The following AFAP1L2 variants were observed in gnomAD, a reference collection of about 807,000 sequenced individuals.
AFAP1L2 encodes the protein actin filament associated protein 1 like 2.
AFAP1L2 carries 46 observed loss-of-function variants against 99.3 expected under a neutral mutation model. That is an observed-to-expected ratio of 0.46 (90% CI 0.37 to 0.59). The LOEUF is 0.59. Ranked by LOEUF, AFAP1L2 falls within the 20% of genes least tolerant of loss-of-function variation. The pLI, the probability that AFAP1L2 is intolerant of heterozygous loss-of-function variation, is 0.00. For synonymous variants in AFAP1L2, 397 were observed against 419.1 expected (o/e 0.95, Z 0.64); for missense variants, 959 against 1,034.9 (o/e 0.93, Z 1.01).
At chr10:114,394,777 C>A (rs564031781) in intron 1 of AFAP1L2, among the ~76,000 whole-genome samples, 2 of 152,142 alleles carry the variant, frequency 1.3e-5, no homozygotes, top group Non-Finnish European at 2.9e-5. Flanking sequence ...CCCCAGGCTA[C>A]TTTCAGAACA....
In AFAP1L2 at chr10:114,295,943, CTAAACAGACTCACCCTTTCGCA is replaced by C; in HGVS notation, c.*77_*98del. The stretch of plus-strand genomic sequence containing the variant: ...AGTACCTCAGTCTTTGCTTTTTCTT[CTAAACAGACTCACCCTTTCGCA>C]TAGTTTTTGCTTTAACAAAGCAGGA... On this transcript the variant is annotated 3_prime_UTR_variant, in exon 19 of 19. Transcript: ENST00000304129. 3.7e-6 allele frequency: 6 copies of C among 1,605,290 alleles called. No individual in the cohort carries two copies. The South Asian group carries it at 6.7e-5, about 18-fold the overall frequency.
chr10:114,321,701 C>A (rs1222442454), intron 5 of AFAP1L2, among the ~76,000 whole-genome samples: 1 of 152,212 alleles, frequency 6.6e-6, no homozygotes, highest in Non-Finnish European at 1.5e-5. Flanking sequence ...GGACCACAGT[C>A]CAGCTGCCAC....
At chr10:114,352,079 C>T (rs1029360420) in intron 1 of AFAP1L2, among the ~76,000 whole-genome samples, 2 of 152,102 alleles carry the variant, frequency 1.3e-5, no homozygotes, top group African/African-American at 2.4e-5. Flanking sequence ...ATGTTAGTTG[C>T]TAAATAAAAC....
intron 1 of AFAP1L2, among the ~76,000 whole-genome samples, chr10:114,397,033 C>T (rs780394072): frequency 2.6e-5 from 4 of 152,132 alleles, no homozygotes; most frequent in Non-Finnish European, 5.9e-5. Context: ...GATACCCAAC[C>T]TTGACCTTGA....
In AFAP1L2 at chr10:114,299,356, CCTT is replaced by C. The variant is rs1564778696; in HGVS notation, c.2014_2016del (p.Lys672del). 8 of 1,614,240 alleles carry C rather than the reference CCTT, an allele frequency of 5.0e-6. No homozygotes were observed. Among genetic ancestry groups the C allele is most frequent in the Admixed American group, 1.7e-5 (1 of 60,032 alleles). ...TCTTCCTTCTTCTTTTCAAGCCTCTCCTTCTCCTCTGTGTACCGCTTCACCTCA... is the reference window on the plus strand; with the variant it reads ...TCTTCCTTCTTCTTTTCAAGCCTCTCCTCCTCTGTGTACCGCTTCACCTCA... On this transcript the variant is annotated inframe_deletion, in exon 16 of 19. Transcript: ENST00000304129.
chr10:114,292,794 C>A (rs568331997), downstream of AFAP1L2, among the ~76,000 whole-genome samples: 1 of 152,046 alleles, frequency 6.6e-6, no homozygotes, highest in African/African-American at 2.4e-5. Context: ...CAACCTTTGC[C>A]TCCCAGGTTG....
intron 4 of AFAP1L2, among the ~76,000 whole-genome samples, chr10:114,328,711 C>T (rs1040784993): frequency 2.0e-5 from 3 of 152,214 alleles, no homozygotes; most frequent in East Asian, 1.9e-4. Context: ...GAGCCACAGA[C>T]ATGACTCCAC....
chr10:114,363,893 G>T (rs1232452894), intron 1 of AFAP1L2, among the ~76,000 whole-genome samples: 1 of 152,198 alleles, frequency 6.6e-6, no homozygotes, highest in Non-Finnish European at 1.5e-5. Flanking sequence ...GAAAACTGAG[G>T]TCTCTGACAG....
chr10:114,310,016 C>G (rs2042982399), intron 8 of AFAP1L2, among the ~76,000 whole-genome samples: 1 of 152,194 alleles, frequency 6.6e-6, no homozygotes, highest in African/African-American at 2.4e-5. Context: ...CAACCTCCGC[C>G]TCCTGGGTTC....
chr10:114,361,015 G>A (rs1207658804), intron 1 of AFAP1L2, among the ~76,000 whole-genome samples: 3 of 152,192 alleles, frequency 2.0e-5, no homozygotes, highest in Non-Finnish European at 4.4e-5. Flanking sequence ...ACATGGCTGG[G>A]GAAGCCTCAC....
At chr10:114,387,348 C>T (rs551304878) in intron 1 of AFAP1L2, among the ~76,000 whole-genome samples, 1 of 152,178 alleles carries the variant, frequency 6.6e-6, no homozygotes, top group Non-Finnish European at 1.5e-5. Flanking sequence ...AAGACTAGTA[C>T]GTTTTCCACA....
chr10:114,398,893 A>C (rs2057985780), intron 1 of AFAP1L2: 1 of 1,304,216 alleles, frequency 7.7e-7, no homozygotes, highest in South Asian at 1.2e-5. Flanking sequence ...ACCAGACAGC[A>C]ACACCCCTGT....
chr10:114,397,398 C>A (rs534883242), intron 1 of AFAP1L2, among the ~76,000 whole-genome samples: 1 of 152,336 alleles, frequency 6.6e-6, no homozygotes, highest in Admixed American at 6.5e-5. Flanking sequence ...ACTTAGCATA[C>A]TGGTGTGTAT....
intron 1 of AFAP1L2, among the ~76,000 whole-genome samples, chr10:114,390,394 TGCTAGATC>T (rs1358190004): frequency 1.3e-5 from 2 of 152,128 alleles, no homozygotes; most frequent in East Asian, 3.9e-4. Context: ...CTTTGGGAAT[TGCTAGATC>T]GTATGGTAAG....
chr10:114,320,254 T>C lies in AFAP1L2; in HGVS notation c.406+2917A>G, dbSNP rs550957589. On this transcript the variant is annotated intron_variant, in intron 5 of 18. Coordinates refer to ENST00000304129, the MANE Select transcript of AFAP1L2 (RefSeq NM_001001936.3). ...GCCAGCAGGGCACTTATTACACATGTGCTCAGAGAGAGGGACATGACCCAG... is the reference window on the plus strand; with the variant it reads ...GCCAGCAGGGCACTTATTACACATGCGCTCAGAGAGAGGGACATGACCCAG... Among the ~76,000 whole-genome samples the C allele has an allele frequency of 2.0e-5, 3 of 152,340 alleles. No homozygotes were observed. In the South Asian group the frequency reaches 6.2e-4, roughly 32 times the overall value.
rs557129955 is a variant in AFAP1L2 at position 114,300,144 on chromosome 10, A to ACTCTATTAGT, written c.1957+49_1957+50insACTAATAGAG. 608 of 1,612,632 alleles carry ACTCTATTAGT rather than the reference A, an allele frequency of 3.8e-4. 1 individual carries two copies. The highest frequency in any genetic ancestry group is 3.2e-3 in the Middle Eastern group (19 of 5,962). ...CCTATTAGTTCTGTCCCTCTAGAGAACCCTGACTAATACAGATGGAATCGG... is the reference window on the plus strand; with the variant it reads ...CCTATTAGTTCTGTCCCTCTAGAGAACTCTATTAGTCCCTGACTAATACAGATGGAATCGG... On this transcript the variant is annotated intron_variant, in intron 15 of 18. Transcript: ENST00000304129.
At chr10:114,340,548 C>G (rs1199386097) in intron 2 of AFAP1L2, 55 bp downstream of exon 2, 4 of 1,571,614 alleles carry the variant, frequency 2.5e-6, no homozygotes, top group Non-Finnish European at 3.5e-6. Context: ...CGCACTGACT[C>G]ACAACCATCT....
rs767673464 is a variant in AFAP1L2, at chr10:114,323,094, C to A, written c.406+77G>T. On this transcript the variant is annotated intron_variant, in intron 5 of 18. Transcript: ENST00000304129. ...CAGCCCAGGATGAGTGTATCTGTTA[C>A]CCCCAGGTAAGTCTGCACCAACATC... The A allele has an allele frequency of 8.3e-6, 11 of 1,325,448 alleles. No individual in the cohort carries two copies. In the East Asian group the frequency reaches 1.0e-4, roughly 12 times the overall value. The allele number at this position is 1,325,448 out of a possible 1,614,324, so 82.1% of individuals were successfully genotyped here.
At chr10:114,302,618 GCTT>G in intron 11 of AFAP1L2, 134 bp from the exon 12 acceptor site, 1 of 1,089,404 alleles carries the variant, frequency 9.2e-7, no homozygotes, top group Non-Finnish European at 1.3e-6. Flanking sequence ...CCGGGGCTGT[GCTT>G]CTCCTGTTCA....
Sources: gnomAD v4.1 joint callset for allele counts (sites outside exome capture counted in the v4.1 genomes callset) on GRCh38, gnomAD v4.1.1 for gene constraint, MANE v1.5 for transcripts, NCBI Gene and HGNC (gene_info 2026-07-23, HGNC 2026-07-21) for gene names.